Variants in RIMS1 observed in about 807,000 individuals in gnomAD.
RIMS1 encodes regulating synaptic membrane exocytosis 1.
A neutral mutation model predicts 214.1 loss-of-function variants in RIMS1; 83 were observed. That is an observed-to-expected ratio of 0.39 (90% confidence interval 0.32 to 0.47). RIMS1 has a LOEUF of 0.47. Among genes scored for constraint, RIMS1 ranks in the 20% least tolerant of loss-of-function variants. The pLI is 0.99. For synonymous variants in RIMS1, 793 were observed against 786.8 expected (o/e 1.01, Z -0.13); for missense variants, 2,050 against 2,161.8 (o/e 0.95, Z 1.03).
intron 2 of RIMS1, among the ~76,000 whole-genome samples, chr6:72,091,778 C>T (rs1236880884): frequency 6.6e-6 from 1 of 152,088 alleles, no homozygotes; most frequent in Non-Finnish European, 1.5e-5. Context: ...GTGTATTTTA[C>T]AATACTCTCC....
chr6:72,399,609 G>A (rs1380534037), intron 33 of RIMS1, among the ~76,000 whole-genome samples: 1 of 152,032 alleles, frequency 6.6e-6, no homozygotes, highest in Non-Finnish European at 1.5e-5. Flanking sequence ...ATTTCTAGGT[G>A]CTTATATACA....
chr6:72,076,205 C>T (rs1831813413), intron 2 of RIMS1, among the ~76,000 whole-genome samples: 1 of 152,162 alleles, frequency 6.6e-6, no homozygotes, highest in South Asian at 2.1e-4. Context: ...CACAACAATA[C>T]TAAGGAAAAA....
At chr6:72,400,416 T>C in intron 33 of RIMS1, 80 bp from the exon 34 acceptor site, 1 of 1,227,222 alleles carries the variant, frequency 8.1e-7, no homozygotes, top group East Asian at 2.3e-5. Context: ...TGGCCCACTT[T>C]TACAGCATAG....
chr6:72,123,774 A>G (rs2038924746), intron 4 of RIMS1, among the ~76,000 whole-genome samples: 1 of 151,772 alleles, frequency 6.6e-6, no homozygotes, highest in Admixed American at 6.6e-5. Flanking sequence ...AGTCTGTTTT[A>G]TCAGAGACTA....
chr6:72,248,208 C>T (rs1590437648), intron 12 of RIMS1, 81 bp downstream of exon 12: 1 of 779,572 alleles, frequency 1.3e-6, no homozygotes, highest in African/African-American at 1.7e-5. Context: ...GTTCGCCTTT[C>T]CTTGAAGCCT....
intron 22 of RIMS1, among the ~76,000 whole-genome samples, chr6:72,270,815 T>C (rs1381420514): frequency 6.6e-6 from 1 of 152,146 alleles, no homozygotes; most frequent in African/African-American, 2.4e-5. Context: ...CATGGTCACC[T>C]ATCATATAAG....
At chr6:71,891,074 C>A (rs1013458074) in intron 1 of RIMS1, among the ~76,000 whole-genome samples, 11 of 152,132 alleles carry the variant, frequency 7.2e-5, no homozygotes. Flanking sequence ...AGAGAAGTGG[C>A]TTGGCAAAAA....
chr6:71,991,363 T>A (rs980360900), intron 2 of RIMS1, among the ~76,000 whole-genome samples: 1 of 152,230 alleles, frequency 6.6e-6, no homozygotes, highest in Non-Finnish European at 1.5e-5. Context: ...CTGTTTACTT[T>A]ATCATTTACT....
intron 29 of RIMS1, among the ~76,000 whole-genome samples, chr6:72,368,992 A>C (rs974420553): frequency 5.3e-5 from 8 of 151,332 alleles, no homozygotes; most frequent in African/African-American, 1.9e-4. Context: ...CATACAGAGG[A>C]AACAGGATGT....
chr6:72,361,101 T>C (rs1212200330), intron 29 of RIMS1, among the ~76,000 whole-genome samples: 1 of 122,960 alleles, frequency 8.1e-6, no homozygotes, highest in Non-Finnish European at 1.7e-5. Flanking sequence ...TCTTTCTTTT[T>C]TTTTTTTTTT....
intron 29 of RIMS1, among the ~76,000 whole-genome samples, chr6:72,342,918 G>A (rs1345282000): frequency 6.6e-6 from 1 of 151,726 alleles, no homozygotes; most frequent in East Asian, 1.9e-4. Context: ...AGCTGAAGGA[G>A]CTTGAGTCAG....
At chr6:71,969,646 TA>T (rs1795347879) in intron 2 of RIMS1, among the ~76,000 whole-genome samples, 1 of 152,046 alleles carries the variant, frequency 6.6e-6, no homozygotes, top group South Asian at 2.1e-4. Context: ...CCGTCTCTAC[TA>T]AAAATACAAA....
chr6:72,016,355 C>T (rs1370721720), intron 2 of RIMS1, among the ~76,000 whole-genome samples: 1 of 151,954 alleles, frequency 6.6e-6, no homozygotes, highest in Non-Finnish European at 1.5e-5. Flanking sequence ...GTCTTCCTTC[C>T]ATTTGCTTTT....
chr6:72,069,748 C>T (rs1254047447), intron 2 of RIMS1, among the ~76,000 whole-genome samples: 4 of 152,132 alleles, frequency 2.6e-5, no homozygotes, highest in Non-Finnish European at 4.4e-5. Context: ...GTATGATTTT[C>T]GTTTTTTACT....
intron 2 of RIMS1, among the ~76,000 whole-genome samples, chr6:72,018,109 A>G (rs1009234268): frequency 1.1e-4 from 16 of 152,314 alleles, no homozygotes; most frequent in South Asian, 8.3e-4. Flanking sequence ...TAAACAACCC[A>G]TAAGAGTGCA....
chr6:72,049,922 AAGTG>A (rs1434916568), intron 2 of RIMS1, among the ~76,000 whole-genome samples: 3 of 152,282 alleles, frequency 2.0e-5, no homozygotes, highest in Non-Finnish European at 2.9e-5. Context: ...TTCTCTTTTT[AAGTG>A]TAAAATTGAA....
At chr6:72,165,906 G>A (rs1380312988) in intron 4 of RIMS1, among the ~76,000 whole-genome samples, 1 of 152,204 alleles carries the variant, frequency 6.6e-6, no homozygotes, top group East Asian at 1.9e-4. Flanking sequence ...GGGGGAACTG[G>A]CACCTTAACA....
intron 29 of RIMS1, among the ~76,000 whole-genome samples, chr6:72,378,890 G>A (rs542944737): frequency 6.6e-6 from 1 of 152,240 alleles, no homozygotes; most frequent in African/African-American, 2.4e-5. Flanking sequence ...TGTACCCTGT[G>A]GGGTGCCATG....
At chr6:72,052,235 GTTACC>G (rs149562913) in intron 2 of RIMS1, among the ~76,000 whole-genome samples, 1 of 152,248 alleles carries the variant, frequency 6.6e-6, no homozygotes, top group East Asian at 1.9e-4. Context: ...AGCTTGCTTG[GTTACC>G]AGTTAAAGAC....
Sources: allele counts gnomAD v4.1 joint callset (sites outside exome capture counted in the v4.1 genomes callset), GRCh38; gene constraint gnomAD v4.1.1; transcripts MANE v1.5; gene names NCBI Gene and HGNC (gene_info 2026-07-23, HGNC 2026-07-21).